Variants in DOCK6 observed in about 807,000 individuals in gnomAD.
DOCK6 encodes the protein dedicator of cytokinesis protein 6.
In DOCK6, 167 loss-of-function variants were observed where a neutral mutation model predicts 230.3. That is an observed-to-expected ratio of 0.73 (90% CI 0.64 to 0.82). The LOEUF is 0.82. Among genes scored for constraint, DOCK6 ranks in the 40% least tolerant of loss-of-function variants. The pLI is 0.00. For missense variants in DOCK6, 2,598 were observed against 2,825.8 expected, an observed-to-expected ratio of 0.92 and a Z score of 1.83; for synonymous variants, 1,148 against 1,185.0, an observed-to-expected ratio of 0.97 and a Z score of 0.64.
Position 11,217,072 on chromosome 19 carries a change from A to ACCTT in DOCK6, c.3735_3736insAAGG (p.Ser1246LysfsTer4). ...AGCAAGGTCCGGCTTGACTCAGCAG[A>ACCTT]GAGGGCACAGCCTGCGCGAGAAGCC... is the stretch of plus-strand genomic sequence containing the variant. On this transcript the variant is annotated frameshift_variant, in exon 30 of 48. Transcript: ENST00000294618. LOFTEE classifies it high-confidence loss of function. The ACCTT allele has an allele frequency of 6.2e-7, 1 of 1,613,288 alleles. No individual in the cohort carries two copies. Among genetic ancestry groups the ACCTT allele is most frequent in the East Asian group, 2.2e-5 (1 of 44,884 alleles).
chr19:11,213,187 C>A lies in DOCK6; in HGVS notation c.4480G>T (p.Glu1494Ter), dbSNP rs568049240. Residue 1494 changes from glutamate to a stop codon, truncating the protein, a stop_gained, in exon 35 of 48, where the codon GAG becomes TAG. Transcript: ENST00000294618. LOFTEE classifies it high-confidence loss of function. ...SLYLLMRQNF[E>*]IGHNFARVKM... The stretch of plus-strand genomic sequence containing the variant: ...TAGCCCCCACTCACGTGGCCGATCT[C>A]GAAGTTCTGTCGCATGAGCAGGTAC... 58 of 1,612,000 alleles carry A rather than the reference C, an allele frequency of 3.6e-5. No individual in the cohort carries two copies. The highest frequency in any genetic ancestry group is 2.7e-4 in the Admixed American group (16 of 59,968).
chr19:11,214,656 G>A lies in DOCK6; in HGVS notation c.4107-7C>T, dbSNP rs377101061. On this transcript the variant is annotated splice_region_variant and splice_polypyrimidine_tract_variant and intron_variant, in intron 32 of 47. Coordinates refer to ENST00000294618, the MANE Select transcript of DOCK6 (RefSeq NM_020812.4). ...TTCCATTTCATCCTTGGTCCTGGAA[G>A]GGGAAAGGAGGTCTTGGGGGCCCAC... 29 of 1,613,118 alleles carry A rather than the reference G, an allele frequency of 1.8e-5. No individual in the cohort carries two copies. Among genetic ancestry groups the A allele is most frequent in the Non-Finnish European group, 2.4e-5 (28 of 1,179,532 alleles).
chr19:11,208,660 C>T, intron 39 of DOCK6, 26 bp downstream of exon 39: 1 of 1,601,706 alleles, frequency 6.2e-7, no homozygotes. Context: ...AGCCCCCTCT[C>T]CTGCACCCAG....
chr19:11,203,925 G>T, intron 41 of DOCK6, 156 bp downstream of exon 41: 3 of 973,398 alleles, frequency 3.1e-6, no homozygotes, highest in Non-Finnish European at 4.6e-6. Flanking sequence ...TTGGGGAAGG[G>T]AGGGAAATAA....
At chr19:11,244,492 G>A (rs527459948) in intron 9 of DOCK6, among the ~76,000 whole-genome samples, 33 of 115,198 alleles carry the variant, frequency 2.9e-4, no homozygotes, top group Admixed American at 2.8e-3. Flanking sequence ...ATGGGGTCTC[G>A]CTCTGTCACC....
chr19:11,212,510 G>A (rs1158786152), intron 35 of DOCK6, among the ~76,000 whole-genome samples: 3 of 151,642 alleles, frequency 2.0e-5, no homozygotes, highest in Non-Finnish European at 4.4e-5. Context: ...CCAAAATGCT[G>A]GGATTACAGG....
At chr19:11,213,117 C>T in intron 35 of DOCK6, 59 bp downstream of exon 35, 1 of 1,571,838 alleles carries the variant, frequency 6.4e-7, no homozygotes, top group Non-Finnish European at 8.7e-7. Flanking sequence ...ATGGTTGAGA[C>T]CCCACTGGCC....
Position 11,212,046 on chromosome 19 carries a change from G to A in DOCK6, c.4597C>T (p.Leu1533Phe). Residue 1533 changes from leucine (L) to phenylalanine (F), a missense_variant, in exon 36 of 48, where the codon CTC becomes TTC. Physicochemically the swap from Leu to Phe is conservative, Grantham distance 22. Coordinates refer to ENST00000294618, the MANE Select transcript of DOCK6 (RefSeq NM_020812.4). ...EHLRRSLKTI[L>F]TYAEEDMGLR... is the part of the protein sequence containing the mutation. ...CCCATGTCCTCCTCAGCATAGGTGA[G>A]GATGGTTTTGAGTGAACGTCGCAGG... The A allele has an allele frequency of 6.2e-7, 1 of 1,610,776 alleles. No homozygotes were observed. Among genetic ancestry groups the A allele is most frequent in the Non-Finnish European group, 8.5e-7 (1 of 1,178,936 alleles).
chr19:11,250,257 C>G (rs191846353), intron 6 of DOCK6, among the ~76,000 whole-genome samples: 1 of 151,238 alleles, frequency 6.6e-6, no homozygotes, highest in Non-Finnish European at 1.5e-5. Context: ...GTGATCCACC[C>G]GCCTCAGCCT....
At chr19:11,247,037 C>T (rs1426535130) in intron 7 of DOCK6, among the ~76,000 whole-genome samples, 3 of 152,194 alleles carry the variant, frequency 2.0e-5, no homozygotes, top group South Asian at 2.1e-4. Context: ...CTTTCAGCAT[C>T]GCTTATCCCG....
rs1252009066 is a variant in DOCK6, at chr19:11,209,093, C to G, written c.4762G>C (p.Gly1588Arg). The change falls in exon 38 of 48, where the codon GGC becomes CGC. Residue 1588 changes from glycine to arginine, a missense_variant. Coordinates refer to ENST00000294618, the MANE Select transcript of DOCK6 (RefSeq NM_020812.4). ...CGAAGGTCCGGTGAGCCCTGGTAGC[C>G]CCGGGCAATTCTGGAGTCCAGGTGA... ...LIDLMYRIAR[G>R]YQGSPDLRLT... is the part of the protein sequence containing the mutation. The G allele has an allele frequency of 6.2e-7, 1 of 1,611,468 alleles. No individual in the cohort carries two copies. The highest frequency in any genetic ancestry group is 8.5e-7 in the Non-Finnish European group (1 of 1,179,264).
In DOCK6 at chr19:11,216,914, CTTGT is replaced by C; in HGVS notation, c.3890_3893del (p.Tyr1297TrpfsTer20). 6.2e-7 allele frequency: 1 copy of C among 1,613,702 alleles called. No individual in the cohort carries two copies. Reference sequence around the variant, plus strand: ...TCATCTCCTGCCCACGCCCTCAAACCTTGTACTCAAAGGCAGCTAGGCAAAGGTA... The same window carrying C: ...TCATCTCCTGCCCACGCCCTCAAACCACTCAAAGGCAGCTAGGCAAAGGTA... On this transcript the variant is annotated frameshift_variant and splice_region_variant, in exon 30 of 48. Transcript: ENST00000294618. LOFTEE classifies it high-confidence loss of function.
At position 11,222,136 on chromosome 19, in the gene DOCK6, G is replaced by A. The variant is rs752340784; in HGVS notation, c.3353C>T (p.Ala1118Val). The change falls in exon 27 of 48, where the codon GCA (alanine) becomes GTA (valine). Residue 1118 changes from alanine to valine, a missense_variant. Transcript: ENST00000294618. This position sits in a 1 kb window ranked among gnomAD's most constrained non-coding sequence, Gnocchi z 4.0. The part of the protein sequence containing the change: ...FLAGLLLTEL[A>V]LALEPEAEGA... ...TTCAGCCTCAGGTTCGAGGGCCAGT[G>A]CCAGCTCCGTCAGCAGGAGCCCAGC... is the stretch of plus-strand genomic sequence containing the variant. 4.3e-6 allele frequency: 7 copies of A among 1,613,036 alleles called. No homozygotes were observed. In the South Asian group the frequency reaches 7.7e-5, roughly 18 times the overall value.
chr19:11,215,786 A>C lies in DOCK6; in HGVS notation c.4021+15T>G. On this transcript the variant is annotated intron_variant, in intron 31 of 47. Transcript: ENST00000294618. ...GCTGGTGGGATGGGGACACGTGGGT[A>C]TGTCACCCTCTTACCACGACTTCGC... The C allele has an allele frequency of 6.2e-7, 1 of 1,613,928 alleles. No individual in the cohort carries two copies. The highest frequency in any genetic ancestry group is 8.5e-7 in the Non-Finnish European group (1 of 1,179,840).
Position 11,201,357 on chromosome 19 carries a change from C to T in DOCK6, c.5689-305G>A, listed in dbSNP as rs1341046483. On this transcript the variant is annotated intron_variant, in intron 44 of 47. Coordinates refer to ENST00000294618, the MANE Select transcript of DOCK6 (RefSeq NM_020812.4). The surrounding 1 kb of genome is among the most constrained non-coding windows in gnomAD (Gnocchi z 4.3). ...CAACCTGGTTCTGGGGTACATGAGC[C>T]AATTTCTGGGTCTAGCGTGTCCACG... 2.0e-5 allele frequency among the ~76,000 whole-genome samples: 3 copies of T among 152,044 alleles called. No homozygotes were observed. Among genetic ancestry groups the T allele is most frequent in the Admixed American group, 1.3e-4 (2 of 15,270 alleles).
At position 11,215,990 on chromosome 19, in the gene DOCK6, G is replaced by C. The variant is rs1397876937; in HGVS notation, c.3895-63C>G. 1.9e-6 allele frequency: 3 copies of C among 1,591,988 alleles called. No homozygotes were observed. The African/African-American group carries it at 4.0e-5, about 21-fold the overall frequency. On this transcript the variant is annotated intron_variant, in intron 30 of 47. Transcript: ENST00000294618. ...GCTCTTTTCGGGGGGACCTGGGCTGGCCCCATCCCTTTCTTTGTGCTCTTT... is the reference window on the plus strand; with the variant it reads ...GCTCTTTTCGGGGGGACCTGGGCTGCCCCCATCCCTTTCTTTGTGCTCTTT...
chr19:11,233,273 C>G lies in DOCK6; in HGVS notation c.2648G>C (p.Ser883Thr). The G allele has an allele frequency of 6.2e-7, 1 of 1,613,952 alleles. No individual in the cohort carries two copies. The highest frequency in any genetic ancestry group is 2.2e-5 in the East Asian group (1 of 44,886). ...GGCCACGGCGAGGTCAGGGTTGCTG[C>G]TGCTGATGCTCTTGGAACGCGCCAG... ...LYLARSKSIS[S>T]SNPDLAVAPG... The change falls in exon 22 of 48, where the codon AGC becomes ACC. Residue 883 changes from serine (S) to threonine (T), a missense_variant. By Grantham distance (58) the Ser-to-Thr change is moderately conservative (BLOSUM62 1). Coordinates refer to ENST00000294618, the MANE Select transcript of DOCK6 (RefSeq NM_020812.4).
intron 1 of DOCK6, among the ~76,000 whole-genome samples, chr19:11,260,882 C>CAAAAAAAAAAAAAAAAAAAGA (rs59900669): frequency 4.9e-5 from 3 of 61,756 alleles, no homozygotes; most frequent in Non-Finnish European, 8.3e-5. Context: ...GACTCTGTCT[C>CAAAAAAAAAAAAAAAAAAAGA]AAAAAAAAAA....
rs564364383 is a variant in DOCK6 at position 11,224,890 on chromosome 19, C to T, written c.2956-1784G>A. Among the ~76,000 whole-genome samples the T allele has an allele frequency of 1.8e-3, 270 of 152,058 alleles. 1 individual carries two copies. Among genetic ancestry groups the T allele is most frequent in the African/African-American group, 6.0e-3 (247 of 41,488 alleles). ...TCAGCCTGGCCAATATGGTGAAACC[C>T]CATCTCTACTAAAAATACAAAAAAT... On this transcript the variant is annotated intron_variant, in intron 24 of 47. Transcript: ENST00000294618.
Sources: gnomAD v4.1 joint callset for allele counts (sites outside exome capture counted in the v4.1 genomes callset) on GRCh38, gnomAD v4.1.1 for gene constraint, Gnocchi (gnomAD v3.1) non-coding constraint, MANE v1.5 for transcripts, NCBI Gene and HGNC (gene_info 2026-07-23, HGNC 2026-07-21) for gene names.